EPB41L1: variants seen among roughly 807,000 people sequenced by gnomAD.
EPB41L1 encodes the protein band 4.1-like protein 1.
In EPB41L1, 29 loss-of-function variants were observed where a neutral mutation model predicts 97.8. The observed-to-expected ratio is 0.30, with a 90% CI of 0.22 to 0.40. The LOEUF is 0.40. Ranked by LOEUF, EPB41L1 falls within the 10% of genes least tolerant of loss-of-function variation. EPB41L1 has a pLI of 1.00. For synonymous variants in EPB41L1, 383 were observed against 459.2 expected (o/e 0.83, Z 2.12); for missense variants, 812 against 1,162.3 (o/e 0.70, Z 4.38).
intron 15 of EPB41L1, among the ~76,000 whole-genome samples, chr20:36,210,396 T>C (rs1049002546): frequency 2.0e-5 from 3 of 151,982 alleles, no homozygotes; most frequent in Non-Finnish European, 4.4e-5. Flanking sequence ...AATGTGGTCA[T>C]TGAGGAGGGA....
At chr20:36,208,252 G>T in intron 14 of EPB41L1, 1 of 375,058 alleles carries the variant, frequency 2.7e-6, no homozygotes, top group South Asian at 2.0e-5. Context: ...CAGTCCCAGT[G>T]CCAAGTTTCT....
At chr20:36,205,765 C>T (rs963832960) in intron 14 of EPB41L1, 11 of 1,190,626 alleles carry the variant, frequency 9.2e-6, no homozygotes, top group Non-Finnish European at 1.2e-5. Context: ...GTAGATTGGT[C>T]CCCTCTTACA....
chr20:36,221,930 G>A lies in EPB41L1; in HGVS notation c.2506G>A (p.Val836Ile). Reference sequence around the variant, plus strand: ...AATCATCATTACTGGGGATGAAGATGTCGATCAAGACCAGGTATGGGGGTA... The same window carrying A: ...AATCATCATTACTGGGGATGAAGATATCGATCAAGACCAGGTATGGGGGTA... ...KRIIITGDED[V>I]DQDQALALAI... is the part of the protein sequence containing the mutation. Residue 836 changes from valine (V) to isoleucine (I), a missense_variant, in exon 20 of 22, where the codon GTC becomes ATC. By Grantham distance (29) the Val-to-Ile change is conservative (BLOSUM62 3). Coordinates refer to ENST00000338074, the MANE Select transcript of EPB41L1 (RefSeq NM_012156.2). 1 of 1,614,190 alleles carries A rather than the reference G, an allele frequency of 6.2e-7. No individual in the cohort carries two copies. The highest frequency in any genetic ancestry group is 1.1e-5 in the South Asian group (1 of 91,084).
At position 36,209,435 on chromosome 20, in the gene EPB41L1, C is replaced by T. The variant is rs2063005788; in HGVS notation, c.1669-53C>T. On this transcript the variant is annotated intron_variant, in intron 14 of 21. Transcript: ENST00000338074. The surrounding 1 kb of genome is among the most constrained non-coding windows in gnomAD (Gnocchi z 4.2). ...ACATTCACCATCTTGATTTCTCTTTCTCTCTCTCTCCCCACCCCACATCCC... is the reference window on the plus strand; with the variant it reads ...ACATTCACCATCTTGATTTCTCTTTTTCTCTCTCTCCCCACCCCACATCCC... The T allele has an allele frequency of 1.3e-6, 2 of 1,520,306 alleles. No homozygotes were observed. Among genetic ancestry groups the T allele is most frequent in the Non-Finnish European group, 9.0e-7 (1 of 1,114,534 alleles). The allele number at this position is 1,520,306 out of a possible 1,614,324, so 94.2% of individuals were successfully genotyped here. A position where few individuals can be genotyped will look rare whatever the true frequency, so the allele number is the denominator to read the frequency against.
intron 13 of EPB41L1, among the ~76,000 whole-genome samples, chr20:36,197,345 C>A (rs2062255567): frequency 6.6e-6 from 1 of 152,194 alleles, no homozygotes; most frequent in Non-Finnish European, 1.5e-5. Context: ...AGTACAGTGG[C>A]CCAAGTCTCA....
intron 14 of EPB41L1, among the ~76,000 whole-genome samples, chr20:36,205,105 A>T (rs187783184): frequency 8.5e-5 from 13 of 152,266 alleles, no homozygotes; most frequent in African/African-American, 2.9e-4. Flanking sequence ...CAAGCTGTTT[A>T]AGCCATTGTG....
intron 14 of EPB41L1, chr20:36,201,040 T>G: frequency 2.2e-6 from 1 of 449,202 alleles, no homozygotes; most frequent in Middle Eastern, 3.3e-4. Context: ...CTCTGTGGTC[T>G]TAAGAAAACC....
At chr20:36,162,309 T>C (rs1440076794) in intron 1 of EPB41L1, among the ~76,000 whole-genome samples, 1 of 152,256 alleles carries the variant, frequency 6.6e-6, no homozygotes, top group African/African-American at 2.4e-5. Flanking sequence ...GAGGGATTGA[T>C]ACTGCCGTTA....
At chr20:36,115,742 A>C (rs1005515253) in intron 2 of EPB41L1, among the ~76,000 whole-genome samples, 26 of 152,078 alleles carry the variant, frequency 1.7e-4, no homozygotes, top group African/African-American at 6.3e-4. Flanking sequence ...AAATACAAAA[A>C]TTAGCCAGGC....
intron 1 of EPB41L1, among the ~76,000 whole-genome samples, chr20:36,156,404 A>G (rs2060302624): frequency 6.6e-6 from 1 of 152,218 alleles, no homozygotes; most frequent in Admixed American, 6.5e-5. Flanking sequence ...ATCCTGCATG[A>G]AAACAATGCT....
chr20:36,192,405 C>T (rs1054121383), intron 11 of EPB41L1, among the ~76,000 whole-genome samples: 2 of 151,772 alleles, frequency 1.3e-5, no homozygotes, highest in Non-Finnish European at 2.9e-5. Context: ...GTGGCAGGCG[C>T]CTGTAGTCCC....
intron 6 of EPB41L1, 146 bp downstream of exon 6, chr20:36,182,493 A>G: frequency 3.6e-6 from 3 of 837,714 alleles, no homozygotes; most frequent in Middle Eastern, 2.6e-4. Context: ...CGTACACAGG[A>G]AGCCGACTCA....
At chr20:36,155,198 A>C (rs921835467) in intron 1 of EPB41L1, 25 of 455,476 alleles carry the variant, frequency 5.5e-5, no homozygotes, top group Non-Finnish European at 9.7e-5. Flanking sequence ...TTCGGAGAGC[A>C]CTCCTGCTGC....
chr20:36,206,104 T>G lies in EPB41L1; in HGVS notation c.1669-3384T>G, dbSNP rs1338863137. On this transcript the variant is annotated intron_variant, in intron 14 of 21. Coordinates refer to ENST00000338074, the MANE Select transcript of EPB41L1 (RefSeq NM_012156.2). The surrounding 1 kb of genome is among the most constrained non-coding windows in gnomAD (Gnocchi z 5.5). ...GATTGCAAGTCCTGAAGACTTTGAG[T>G]CAGTGGGGGAGGAAGGCCCCTGGAT... The G allele has an allele frequency of 1.6e-6, 2 of 1,289,784 alleles. No individual in the cohort carries two copies. The highest frequency in any genetic ancestry group is 2.5e-5 in the South Asian group (2 of 81,034). 79.9% of individuals were successfully genotyped at this position (1,289,784 alleles called of 1,614,324 possible).
At chr20:36,187,804 G>A (rs775975481) in intron 8 of EPB41L1, 41 bp downstream of exon 8, 3 of 1,575,932 alleles carry the variant, frequency 1.9e-6, no homozygotes, top group Non-Finnish European at 2.6e-6. Context: ...TCTGGGTGGT[G>A]CCCCCAAAGA....
chr20:36,161,820 G>A (rs1042762994), intron 1 of EPB41L1, among the ~76,000 whole-genome samples: 1 of 152,092 alleles, frequency 6.6e-6, no homozygotes, highest in Non-Finnish European at 1.5e-5. Context: ...GAGTGCAGTG[G>A]CATAGTCACA....
chr20:36,158,324 A>G (rs2060394400), intron 1 of EPB41L1, among the ~76,000 whole-genome samples: 1 of 152,222 alleles, frequency 6.6e-6, no homozygotes, highest in African/African-American at 2.4e-5. Flanking sequence ...CAGACATGAC[A>G]CACTAAAAGT....
intron 1 of EPB41L1, among the ~76,000 whole-genome samples, chr20:36,166,182 A>G (rs924636066): frequency 1.3e-5 from 2 of 152,332 alleles, no homozygotes; most frequent in Admixed American, 6.5e-5. Context: ...TCAGTTATCC[A>G]TGTGTTCAAC....
intron 1 of EPB41L1, among the ~76,000 whole-genome samples, chr20:36,166,162 G>A (rs1171407468): frequency 6.6e-6 from 1 of 152,194 alleles, no homozygotes; most frequent in Non-Finnish European, 1.5e-5. Flanking sequence ...GTCTCTTTGT[G>A]TTCTATCCAT....
Sources: gnomAD v4.1 joint callset for allele counts (sites outside exome capture counted in the v4.1 genomes callset) on GRCh38, gnomAD v4.1.1 for gene constraint, Gnocchi (gnomAD v3.1) non-coding constraint, MANE v1.5 for transcripts, NCBI Gene and HGNC (gene_info 2026-07-23, HGNC 2026-07-21) for gene names.